Variants in SRP19 observed in about 807,000 individuals in gnomAD.
SRP19 encodes the protein signal recognition particle 19 kDa protein.
Under a neutral mutation model 22.4 loss-of-function variants are expected in SRP19, and 11 were observed. That is an observed-to-expected ratio of 0.49 (90% CI 0.31 to 0.81). SRP19 has a LOEUF of 0.81. Among genes scored for constraint, SRP19 ranks in the 40% least tolerant of loss-of-function variants. The probability of loss-of-function intolerance (pLI) is 0.05; values close to 1 mark genes in which losing one functional copy is unlikely to be tolerated. For missense variants in SRP19, 168 were observed against 175.9 expected (o/e 0.96, Z 0.25); for synonymous variants, 61 against 57.6 (o/e 1.06, Z -0.27).
At position 112,867,884 on chromosome 5, in the gene SRP19, TAATG is replaced by T. The variant is rs1767660506; in HGVS notation, c.*350_*353del. On this transcript the variant is annotated 3_prime_UTR_variant, in exon 5 of 5. Coordinates refer to ENST00000505459, the MANE Select transcript of SRP19 (RefSeq NM_003135.3). ...TAAACATTTTGTCCACCTTTTAAGT[TAATG>T]AAATAAAATTTGAAACTGACTTTTG... 5.0e-6 allele frequency: 5 copies of T among 993,352 alleles called. No individual in the cohort carries two copies. The highest frequency in any genetic ancestry group is 4.8e-6 in the Non-Finnish European group (4 of 833,728). The allele number at this position is 993,352 out of a possible 1,614,324, so 61.5% of individuals were successfully genotyped here. A position where few individuals can be genotyped will look rare whatever the true frequency, so the allele number is the denominator to read the frequency against.
At chr5:112,871,844 TAG>T (rs1767769231), downstream of SRP19, among the ~76,000 whole-genome samples, 1 of 152,166 alleles carries the variant, frequency 6.6e-6, no homozygotes, top group Non-Finnish European at 1.5e-5. Flanking sequence ...TGGTTGGGAC[TAG>T]AGGTACATGG....
rs5870515 is a variant in SRP19, at chr5:112,875,372, G to GT, written c.301+10654dup. Among the ~76,000 whole-genome samples, 281 of 142,944 alleles carry GT rather than the reference G, an allele frequency of 2.0e-3. 2 individuals carry two copies. Among genetic ancestry groups the GT allele is most frequent in the African/African-American group, 5.4e-3 (211 of 39,116 alleles). The allele number at this position is 142,944 out of a possible 152,430, so 93.8% of individuals were successfully genotyped here. On this transcript the variant is annotated intron_variant, in intron 4 of 4. Transcript: ENST00000391338. ...GAAGTACGTTTTGTTTTTGTTTTTG[G>GT]TTTTTTTTTTTTTTGAGACAGGGTC...
At chr5:112,883,569 C>T (rs1768140852) in intron 4 of SRP19, among the ~76,000 whole-genome samples, 1 of 152,166 alleles carries the variant, frequency 6.6e-6, no homozygotes, top group African/African-American at 2.4e-5. Context: ...GTCTTTGGAC[C>T]TCCTGTTTCC....
chr5:112,861,851 T>G (rs754202046), intron 1 of SRP19, among the ~76,000 whole-genome samples: 12 of 152,226 alleles, frequency 7.9e-5, no homozygotes, highest in Non-Finnish European at 1.5e-4. Flanking sequence ...CTGTCTAATG[T>G]AACAGTTACC....
chr5:112,872,674 C>T (rs1767784634), downstream of SRP19, among the ~76,000 whole-genome samples: 1 of 152,118 alleles, frequency 6.6e-6, no homozygotes, highest in Admixed American at 6.5e-5. Flanking sequence ...GCTCTGATCT[C>T]TTACCCTTTA....
At chr5:112,863,025 A>G (rs1767464997) in intron 2 of SRP19, among the ~76,000 whole-genome samples, 3 of 152,224 alleles carry the variant, frequency 2.0e-5, no homozygotes, top group Non-Finnish European at 4.4e-5. Context: ...ATTTTGTAAT[A>G]TGACAGATTT....
intron 1 of SRP19, chr5:112,862,261 T>C (rs920343242): frequency 5.5e-6 from 3 of 541,522 alleles, no homozygotes; most frequent in African/African-American, 1.9e-5. Flanking sequence ...GCCAGTCTGA[T>C]TGGTTGAGGG....
At position 112,868,562 on chromosome 5, in the gene SRP19, G is replaced by A. The variant is rs112854231; in HGVS notation, c.*1025G>A. On this transcript the variant is annotated 3_prime_UTR_variant, in exon 5 of 5. Transcript: ENST00000505459. ...ATTACAGGCATGTGCCACCACACCC[G>A]GCTAATTTTGTATTTTTAGTAGAGA... is the stretch of plus-strand genomic sequence containing the variant. 1.0e-5 allele frequency: 2 copies of A among 190,694 alleles called. No individual in the cohort carries two copies. Among genetic ancestry groups the A allele is most frequent in the Non-Finnish European group, 9.7e-6 (1 of 103,296 alleles). 11.8% of individuals were successfully genotyped at this position (190,694 alleles called of 1,614,324 possible). A position where few individuals can be genotyped will look rare whatever the true frequency, so the allele number is the denominator to read the frequency against.
chr5:112,890,194 G>A (rs995096014), intron 4 of SRP19, among the ~76,000 whole-genome samples: 2 of 150,290 alleles, frequency 1.3e-5, no homozygotes, highest in African/African-American at 5.0e-5. Context: ...GGAGGTTGAG[G>A]TGGGAGGGTG....
chr5:112,884,223 G>A (rs1768162329), intron 4 of SRP19, among the ~76,000 whole-genome samples: 1 of 152,034 alleles, frequency 6.6e-6, no homozygotes, highest in Non-Finnish European at 1.5e-5. Flanking sequence ...GGCCTATAAG[G>A]CATTATGTGA....
At chr5:112,870,608 A>T (rs187980999), downstream of SRP19, among the ~76,000 whole-genome samples, 2 of 152,316 alleles carry the variant, frequency 1.3e-5, no homozygotes. Context: ...TCCAAAATGC[A>T]TGTTGAAATT....
At chr5:112,889,079 C>T (rs1768350743) in intron 4 of SRP19, among the ~76,000 whole-genome samples, 1 of 150,864 alleles carries the variant, frequency 6.6e-6, no homozygotes, top group African/African-American at 2.5e-5. Flanking sequence ...CCTTCATCTT[C>T]CACCATGATT....
intron 4 of SRP19, chr5:112,877,297 A>G (rs553571467): frequency 6.6e-6 from 1 of 152,300 alleles, no homozygotes; most frequent in East Asian, 1.9e-4. Flanking sequence ...TGAGCTAATC[A>G]TCTTTATTTG....
chr5:112,893,132 A>G, downstream of SRP19: 1 of 861,704 alleles, frequency 1.2e-6, no homozygotes, highest in Non-Finnish European at 1.7e-6. Flanking sequence ...GGACCAGGCC[A>G]GGTATAGTGG....
chr5:112,872,889 A>G (rs1767787840), downstream of SRP19, among the ~76,000 whole-genome samples: 1 of 152,126 alleles, frequency 6.6e-6, no homozygotes, highest in African/African-American at 2.4e-5. Context: ...ATATTTGAAA[A>G]TTTCATCATT....
downstream of SRP19, chr5:112,897,350 A>AACACAC (rs1768719555): frequency 9.3e-5 from 12 of 129,572 alleles, no homozygotes; most frequent in African/African-American, 2.6e-4. Flanking sequence ...AACACATCCC[A>AACACAC]TCACACACAC....
At chr5:112,870,266 C>G (rs1767728519), downstream of SRP19, among the ~76,000 whole-genome samples, 1 of 152,048 alleles carries the variant, frequency 6.6e-6, no homozygotes, top group Admixed American at 6.6e-5. Context: ...GCAGGAGGAT[C>G]ACTGAAGTCC....
chr5:112,892,332 G>A, exon 5 of SRP19: 1 of 1,614,150 alleles, frequency 6.2e-7, no homozygotes, highest in Non-Finnish European at 8.5e-7. Context: ...CAAGCCTGGA[G>A]TACAGCGAGG....
intron 4 of SRP19, among the ~76,000 whole-genome samples, chr5:112,881,493 T>C (rs1288458225): frequency 6.6e-6 from 1 of 152,202 alleles, no homozygotes; most frequent in Non-Finnish European, 1.5e-5. Flanking sequence ...CTCCGAATGT[T>C]TCCTTTACCT....
Sources: allele counts gnomAD v4.1 joint callset (sites outside exome capture counted in the v4.1 genomes callset), GRCh38; gene constraint gnomAD v4.1.1; transcripts MANE v1.5; gene names NCBI Gene and HGNC (gene_info 2026-07-23, HGNC 2026-07-21).